The following PLCG2 variants were observed in gnomAD, a reference collection of about 807,000 sequenced individuals.
PLCG2 encodes phospholipase C gamma 2, also known as 1-phosphatidylinositol 4,5-bisphosphate phosphodiesterase gamma-2.
Under a neutral mutation model 175.6 loss-of-function variants are expected in PLCG2, and 69 were observed. The ratio of observed to expected loss-of-function variants is 0.39; its 90% CI spans 0.32 to 0.48. The LOEUF (loss-of-function observed/expected upper bound fraction) is 0.48. Among genes scored for constraint, PLCG2 ranks in the 20% least tolerant of loss-of-function variants. The pLI, the probability that PLCG2 is intolerant of heterozygous loss-of-function variation, is 0.91. For missense variants in PLCG2, 1,798 were observed against 1,650.9 expected (o/e 1.09, Z -1.54); for synonymous variants, 827 against 624.0 (o/e 1.33, Z -4.85).
At chr16:81,852,013 C>CGT (rs1198004690) in intron 2 of PLCG2, 1 of 55,540 alleles carries the variant, frequency 1.8e-5, no homozygotes, top group African/African-American at 4.1e-5. Flanking sequence ...CCTTTGCTCA[C>CGT]CTCTGGACTT....
intron 2 of PLCG2, among the ~76,000 whole-genome samples, chr16:81,819,161 C>G (rs1201584233): frequency 6.6e-6 from 1 of 152,010 alleles, no homozygotes; most frequent in Non-Finnish European, 1.5e-5. Flanking sequence ...GTTGGCGGTG[C>G]TTGAGCATGG....
chr16:81,920,556 C>G (rs189130404), intron 20 of PLCG2, among the ~76,000 whole-genome samples: 112 of 152,114 alleles, frequency 7.4e-4, no homozygotes, highest in African/African-American at 2.1e-3. Flanking sequence ...AAATGTGAGC[C>G]GAAACATGGA....
chr16:81,786,199 T>A lies in PLCG2; in HGVS notation c.193+17T>A. 1.2e-6 allele frequency: 2 copies of A among 1,608,948 alleles called. No homozygotes were observed. Among genetic ancestry groups the A allele is most frequent in the South Asian group, 2.2e-5 (2 of 90,758 alleles). On this transcript the variant is annotated intron_variant, in intron 2 of 32. Coordinates refer to ENST00000564138, the MANE Select transcript of PLCG2 (RefSeq NM_002661.5). ...AGGGCTTCTGTGAGTACTCGCTGGG[T>A]GGGGCAGTGTGGCCCGTCCTCTGGG...
intron 2 of PLCG2, among the ~76,000 whole-genome samples, chr16:81,792,627 C>T (rs2143206157): frequency 6.6e-6 from 1 of 151,952 alleles, no homozygotes; most frequent in Non-Finnish European, 1.5e-5. Context: ...AACTTACAAT[C>T]ATGGTGGAAG....
At chr16:81,901,185 C>T (rs111969284) in intron 14 of PLCG2, among the ~76,000 whole-genome samples, 22 of 152,256 alleles carry the variant, frequency 1.4e-4, no homozygotes, top group African/African-American at 4.8e-4. Context: ...AGGTGTCCAG[C>T]GACCTGGGTG....
In PLCG2 at chr16:81,889,236, T is replaced by C. The variant is rs1334558205; in HGVS notation, c.830T>C (p.Met277Thr). The part of the protein sequence containing the change: ...ERMTKFIDDT[M>T]RETAEPFLFV... The stretch of plus-strand genomic sequence containing the variant: ...ATGACAAAGTTCATTGATGACACCA[T>C]GCGTGAAACTGCTGAGCCTTTCTTG... Residue 277 changes from methionine (M) to threonine (T), a missense_variant, in exon 10 of 33, where the codon ATG becomes ACG. By Grantham distance (81) the Met-to-Thr change is moderately conservative. Transcript: ENST00000564138. 2 of 1,606,170 alleles carry C rather than the reference T, an allele frequency of 1.2e-6. No individual in the cohort carries two copies. The highest frequency in any genetic ancestry group is 2.2e-5 in the South Asian group (2 of 89,388).
chr16:81,887,250 C>G (rs8057373), intron 9 of PLCG2, among the ~76,000 whole-genome samples: 100,556 of 151,694 alleles, frequency 0.66, 33,398 homozygotes, highest in Admixed American at 0.72. Context: ...CTCCCGAGTA[C>G]CTGGGACTAC....
intron 9 of PLCG2, among the ~76,000 whole-genome samples, chr16:81,884,448 CTG>C (rs1021085688): frequency 4.6e-5 from 7 of 152,094 alleles, no homozygotes; most frequent in African/African-American, 1.7e-4. Flanking sequence ...ACAAGAAACT[CTG>C]TGAGAGTGAG....
chr16:81,880,846 T>C (rs549426049), intron 7 of PLCG2, 64 bp from the exon 8 acceptor site: 3 of 1,479,838 alleles, frequency 2.0e-6, no homozygotes, highest in African/African-American at 1.4e-5. Context: ...AACAAAAATC[T>C]TTCCGTTTTT....
At chr16:81,923,364 T>G in intron 21 of PLCG2, 121 bp from the exon 22 acceptor site, 1 of 620,020 alleles carries the variant, frequency 1.6e-6, no homozygotes, top group South Asian at 2.0e-5. Context: ...GATGACTTTG[T>G]AACCTTGGCC....
intron 2 of PLCG2, among the ~76,000 whole-genome samples, chr16:81,833,601 C>T (rs1228394676): frequency 6.6e-6 from 1 of 150,558 alleles, no homozygotes; most frequent in Non-Finnish European, 1.5e-5. Flanking sequence ...GTGATCACAG[C>T]TCACTGTACC....
upstream of PLCG2, among the ~76,000 whole-genome samples, chr16:81,779,067 G>T (rs1430522813): frequency 1.3e-5 from 2 of 152,218 alleles, no homozygotes; most frequent in Admixed American, 1.3e-4. Flanking sequence ...CCTCGGGCAG[G>T]TAGCCTCCCC....
intron 2 of PLCG2, among the ~76,000 whole-genome samples, chr16:81,805,081 C>T (rs979385753): frequency 4.6e-5 from 7 of 152,178 alleles, no homozygotes; most frequent in Non-Finnish European, 8.8e-5. Flanking sequence ...CACTTTTCCC[C>T]AATCACCATG....
At chr16:81,928,033 C>G (rs902315016) in intron 23 of PLCG2, among the ~76,000 whole-genome samples, 1 of 79,140 alleles carries the variant, frequency 1.3e-5, no homozygotes, top group Non-Finnish European at 3.2e-5. Flanking sequence ...TGCCACCTCT[C>G]CTAAGCCCAG....
At chr16:81,872,539 A>G (rs554401344) in intron 7 of PLCG2, among the ~76,000 whole-genome samples, 1 of 152,328 alleles carries the variant, frequency 6.6e-6, no homozygotes, top group South Asian at 2.1e-4. Flanking sequence ...TACCTTTGCA[A>G]TAAAAAGTTC....
chr16:81,926,531 C>T (rs1036380714), intron 22 of PLCG2, among the ~76,000 whole-genome samples: 1 of 152,178 alleles, frequency 6.6e-6, no homozygotes, highest in Non-Finnish European at 1.5e-5. Context: ...ATAATAAGAG[C>T]TAACACTATT....
At chr16:81,840,531 T>G (rs1905766478) in intron 2 of PLCG2, among the ~76,000 whole-genome samples, 2 of 152,238 alleles carry the variant, frequency 1.3e-5, no homozygotes, top group South Asian at 2.1e-4. Flanking sequence ...TAGACAGTTC[T>G]ATCTGGGAGT....
chr16:81,804,967 G>C (rs1911926068), intron 2 of PLCG2, among the ~76,000 whole-genome samples: 1 of 152,196 alleles, frequency 6.6e-6, no homozygotes, highest in Non-Finnish European at 1.5e-5. Flanking sequence ...GTAGTGTCTA[G>C]TCATTACAAT....
intron 27 of PLCG2, among the ~76,000 whole-genome samples, chr16:81,936,593 G>C (rs547959925): frequency 6.6e-6 from 1 of 152,116 alleles, no homozygotes; most frequent in African/African-American, 2.4e-5. Context: ...CGCAGGCTTC[G>C]TGATTGTAAG....
Sources: allele counts gnomAD v4.1 joint callset (sites outside exome capture counted in the v4.1 genomes callset), GRCh38; gene constraint gnomAD v4.1.1; transcripts MANE v1.5; gene names NCBI Gene and HGNC (gene_info 2026-07-23, HGNC 2026-07-21).